The following OSGEPL1 variants were observed in gnomAD, a reference collection of about 807,000 sequenced individuals.
The protein encoded by OSGEPL1 is O-sialoglycoprotein endopeptidase like 1, also known as tRNA N6-adenosine threonylcarbamoyltransferase, mitochondrial.
Under a neutral mutation model 37.2 loss-of-function variants are expected in OSGEPL1, and 26 were observed. The observed-to-expected ratio is 0.70, with a 90% confidence interval of 0.51 to 0.97. OSGEPL1 has a LOEUF of 0.97. Among genes scored for constraint, OSGEPL1 ranks in the 50% least tolerant of loss-of-function variants. The probability of loss-of-function intolerance (pLI) is 0.00; values close to 1 mark genes in which losing one functional copy is unlikely to be tolerated. For synonymous variants in OSGEPL1, 140 were observed against 159.9 expected, an observed-to-expected ratio of 0.88 and a Z score of 0.94; for missense variants, 404 against 487.0, an observed-to-expected ratio of 0.83 and a Z score of 1.60.
rs760033551 is a variant in OSGEPL1, at chr2:189,752,899, C to A, written c.1044G>T (p.Leu348Phe). 6.2e-7 allele frequency: 1 copy of A among 1,613,888 alleles called. No individual in the cohort carries two copies. Residue 348 changes from leucine to phenylalanine, a missense_variant, in exon 6 of 9, where the codon TTG becomes TTT. By Grantham distance (22) the Leu-to-Phe change is conservative (BLOSUM62 0). Coordinates refer to ENST00000264151, the MANE Select transcript of OSGEPL1 (RefSeq NM_022353.3). ...EILTNATQCTLLCPPPRLCTD... is the reference protein window; with the variant it reads ...EILTNATQCTFLCPPPRLCTD... Reference sequence around the variant, plus strand: ...TGCATAGTCTGGGAGGAGGACACAACAAAGTGCACTGTGTTGCATTTGTTA... The same window carrying A: ...TGCATAGTCTGGGAGGAGGACACAAAAAAGTGCACTGTGTTGCATTTGTTA...
At chr2:189,753,712 A>G (rs1443067240) in intron 5 of OSGEPL1, among the ~76,000 whole-genome samples, 2 of 152,218 alleles carry the variant, frequency 1.3e-5, no homozygotes, top group African/African-American at 4.8e-5. Flanking sequence ...CTTATGTGCC[A>G]TAGAAGCTAT....
At chr2:189,749,244 T>TA (rs397987026) in intron 8 of OSGEPL1, among the ~76,000 whole-genome samples, 1,963 of 63,216 alleles carry the variant, frequency 0.031, 127 homozygotes, top group African/African-American at 0.11. Context: ...AGACTCTGTC[T>TA]AAAAAAAAAA....
chr2:189,747,861 T>C (rs1259244824), intron 8 of OSGEPL1, among the ~76,000 whole-genome samples: 1 of 152,154 alleles, frequency 6.6e-6, no homozygotes, highest in Non-Finnish European at 1.5e-5. Context: ...AATTTTTGTA[T>C]TTTTAGTAGA....
At chr2:189,763,065 G>A (rs112818418), upstream of OSGEPL1, 6 of 985,010 alleles carry the variant, frequency 6.1e-6, no homozygotes, top group African/African-American at 5.3e-5. Flanking sequence ...TTTGCCCTTG[G>A]CTGGAATTTG....
Position 189,752,878 on chromosome 2 carries a change from T to C in OSGEPL1, c.1065A>G (p.Leu355=), listed in dbSNP as rs181287714. Residue 355 remains leucine (L), a synonymous_variant, in exon 6 of 9, where the codon CTA becomes CTG. Transcript: ENST00000264151. ...CAATCATAATGCCATTATCAGTGCA[T>C]AGTCTGGGAGGAGGACACAACAAAG... The part of the protein sequence containing the change: ...QCTLLCPPPR[L]CTDNGIMIAW... The C allele has an allele frequency of 5.4e-5, 87 of 1,613,914 alleles. No individual in the cohort carries two copies. The highest frequency in any genetic ancestry group is 6.7e-5 in the Admixed American group (4 of 60,014).
chr2:189,754,541 A>G (rs903930277), intron 3 of OSGEPL1, 196 bp from the exon 4 acceptor site: 4 of 544,128 alleles, frequency 7.4e-6, no homozygotes, highest in East Asian at 6.0e-5. Context: ...GACCCGAACA[A>G]TAAGAGGCCA....
chr2:189,746,743 A>G lies in OSGEPL1; in HGVS notation c.*454T>C. 3 of 1,133,532 alleles carry G rather than the reference A, an allele frequency of 2.6e-6. No individual in the cohort carries two copies. The allele number at this position is 1,133,532 out of a possible 1,614,324, so 70.2% of individuals were successfully genotyped here. A position where few individuals can be genotyped will look rare whatever the true frequency, so the allele number is the denominator to read the frequency against. ...TAATCTTTTTGAATGAAAGTTCTTG[A>G]TCTCGATACTAAGCAGATTTTCCTT... On this transcript the variant is annotated 3_prime_UTR_variant, in exon 9 of 9. Coordinates refer to ENST00000264151, the MANE Select transcript of OSGEPL1 (RefSeq NM_022353.3).
rs754448895 is a variant in OSGEPL1, at chr2:189,761,504, C to G, written c.137G>C (p.Cys46Ser). The G allele has an allele frequency of 1.5e-5, 25 of 1,613,140 alleles. No individual in the cohort carries two copies. Among genetic ancestry groups the G allele is most frequent in the East Asian group, 2.2e-5 (1 of 44,774 alleles). Residue 46 changes from cysteine (C) to serine (S), a missense_variant, in exon 2 of 9, where the codon TGT (cysteine) becomes TCT (serine). Cys to Ser is a moderately radical substitution (Grantham distance 112). Coordinates refer to ENST00000264151, the MANE Select transcript of OSGEPL1 (RefSeq NM_022353.3). ...CACCACAGCAGCTGCTGTATCATCA[C>G]AACTAGTTTCAATTCCCAATACTAT... ...HKIVLGIETS[C>S]DDTAAAVVDE...
intron 7 of OSGEPL1, among the ~76,000 whole-genome samples, chr2:189,752,070 G>T (rs2045347961): frequency 6.6e-6 from 1 of 151,890 alleles, no homozygotes; most frequent in Non-Finnish European, 1.5e-5. Flanking sequence ...CTTGAATATG[G>T]GAAGCAGAGG....
intron 2 of OSGEPL1, among the ~76,000 whole-genome samples, chr2:189,758,283 A>AG (rs1553542205): frequency 2.0e-5 from 3 of 151,560 alleles, no homozygotes; most frequent in Non-Finnish European, 4.4e-5. Flanking sequence ...CTGAAGGCTG[A>AG]GGGGGGAGAA....
In OSGEPL1 at chr2:189,761,674, A is replaced by G; in HGVS notation, c.-20-14T>C. ...TATAGATAATTCCTGAAAAAGAATT[A>G]CAGAAACAACTTATTATTTGCAACT... On this transcript the variant is annotated splice_polypyrimidine_tract_variant and intron_variant, in intron 1 of 8. Coordinates refer to ENST00000264151, the MANE Select transcript of OSGEPL1 (RefSeq NM_022353.3). 1 of 1,493,724 alleles carries G rather than the reference A, an allele frequency of 6.7e-7. No homozygotes were observed. 92.5% of individuals were successfully genotyped at this position (1,493,724 alleles called of 1,614,324 possible).
Position 189,750,549 on chromosome 2 carries a change from C to A in OSGEPL1, c.*28+1G>T, listed in dbSNP as rs1266030185. The stretch of plus-strand genomic sequence containing the variant: ...AAACTTAATTTTAACCTTAATACTA[C>A]CTTTAGGGACTTTTTTGAACAGCAG... On this transcript the variant is annotated splice_donor_variant, in intron 8 of 8. Transcript: ENST00000264151. LOFTEE classifies it low-confidence loss of function (3UTR_SPLICE). The A allele has an allele frequency of 7.9e-7, 1 of 1,265,894 alleles. No homozygotes were observed. Among genetic ancestry groups the A allele is most frequent in the Non-Finnish European group, 1.1e-6 (1 of 885,690 alleles). 78.4% of individuals were successfully genotyped at this position (1,265,894 alleles called of 1,614,324 possible).
At chr2:189,758,427 T>TTA (rs1189127571) in intron 2 of OSGEPL1, among the ~76,000 whole-genome samples, 34 of 151,690 alleles carry the variant, frequency 2.2e-4, no homozygotes, top group African/African-American at 7.7e-4. Context: ...CCTCTCTCGG[T>TTA]CCTGCTCCTG....
At chr2:189,758,305 C>T (rs1045679080) in intron 2 of OSGEPL1, among the ~76,000 whole-genome samples, 5 of 151,962 alleles carry the variant, frequency 3.3e-5, no homozygotes, top group Admixed American at 6.6e-5. Context: ...CGCTTGAACC[C>T]GGGAGGCGGA....
In OSGEPL1 at chr2:189,754,011, G is replaced by A; in HGVS notation, c.868C>T (p.Gln290Ter). The A allele has an allele frequency of 5.6e-6, 9 of 1,613,664 alleles. No individual in the cohort carries two copies. Among genetic ancestry groups the A allele is most frequent in the Non-Finnish European group, 7.6e-6 (9 of 1,179,784 alleles). The change falls in exon 5 of 9, where the codon CAG (glutamine) becomes TAG (stop). Residue 290 changes from glutamine (Q) to a stop codon, truncating the protein, a stop_gained. Coordinates refer to ENST00000264151, the MANE Select transcript of OSGEPL1 (RefSeq NM_022353.3). LOFTEE classifies it high-confidence loss of function. ...SSAADIAATVQHTMACHLVKR... is the reference protein window; with the variant it reads ...SSAADIAATV ...ACAAGATGACATGCCATTGTGTGCT[G>A]TACTGTGGCAGCAATGTCTGCTGCT... is the stretch of plus-strand genomic sequence containing the variant.
At chr2:189,758,374 T>C (rs533600252) in intron 2 of OSGEPL1, among the ~76,000 whole-genome samples, 8 of 150,480 alleles carry the variant, frequency 5.3e-5, no homozygotes, top group African/African-American at 1.7e-4. Flanking sequence ...AGAGCAAAAC[T>C]CCATCTCAAA....
intron 8 of OSGEPL1, chr2:189,747,458 T>C (rs1050423635): frequency 1.3e-5 from 2 of 149,256 alleles, no homozygotes; most frequent in African/African-American, 2.5e-5. Flanking sequence ...AAAAATAAAA[T>C]CTGAAATCAT....
rs2045929789 is a variant in OSGEPL1 at position 189,755,299 on chromosome 2, T to C, written c.483A>G (p.Val161=). ...TCAAAAGAACTAAAAAAGGAAATTC[T>C]ACTTTATTGGTCAACCTAATAGTAA... ...HALTIRLTNK[V]EFPFLVLLIS... The change falls in exon 3 of 9, where the codon GTA becomes GTG. Residue 161 remains valine (V), a synonymous_variant. Coordinates refer to ENST00000264151, the MANE Select transcript of OSGEPL1 (RefSeq NM_022353.3). 1 of 1,613,530 alleles carries C rather than the reference T, an allele frequency of 6.2e-7. No homozygotes were observed. The highest frequency in any genetic ancestry group is 8.5e-7 in the Non-Finnish European group (1 of 1,179,728).
Position 189,761,784 on chromosome 2 carries a change from A to AT in OSGEPL1, c.-20-125dup. On this transcript the variant is annotated intron_variant, in intron 1 of 8. Coordinates refer to ENST00000264151, the MANE Select transcript of OSGEPL1 (RefSeq NM_022353.3). ...AAGTCACCAAAAGTTTGTAAAGGCTATAGCAACATGGGAATATAAATAATA... is the reference window on the plus strand; with the variant it reads ...AAGTCACCAAAAGTTTGTAAAGGCTATTAGCAACATGGGAATATAAATAATA... 4 of 916,644 alleles carry AT rather than the reference A, an allele frequency of 4.4e-6. No homozygotes were observed. In the South Asian group the frequency reaches 9.1e-5, roughly 21 times the overall value. The allele number at this position is 916,644 out of a possible 1,614,324, so 56.8% of individuals were successfully genotyped here. A position where few individuals can be genotyped will look rare whatever the true frequency, so the allele number is the denominator to read the frequency against.
Sources: allele counts gnomAD v4.1 joint callset (sites outside exome capture counted in the v4.1 genomes callset), GRCh38; gene constraint gnomAD v4.1.1; transcripts MANE v1.5; gene names NCBI Gene and HGNC (gene_info 2026-07-23, HGNC 2026-07-21).